UBA6: variants seen among roughly 807,000 people sequenced by gnomAD.
UBA6 encodes ubiquitin like modifier activating enzyme 6, also known as ubiquitin-like modifier-activating enzyme 6.
A neutral mutation model predicts 148.3 loss-of-function variants in UBA6; 87 were observed. The ratio of observed to expected loss-of-function variants is 0.59; its 90% CI spans 0.49 to 0.70. UBA6 has a LOEUF of 0.70. Among genes scored for constraint, UBA6 ranks in the 30% least tolerant of loss-of-function variants. The pLI, the probability that UBA6 is intolerant of heterozygous loss-of-function variation, is 0.00. For synonymous variants in UBA6, 376 were observed against 401.0 expected (o/e 0.94, Z 0.75); for missense variants, 1,186 against 1,241.2 (o/e 0.96, Z 0.67).
chr4:67,654,862 G>GAAA (rs141234627), intron 13 of UBA6, among the ~76,000 whole-genome samples: 108 of 132,160 alleles, frequency 8.2e-4, no homozygotes, highest in African/African-American at 3.0e-3. Context: ...CAAATGGAAA[G>GAAA]AAAAAAAAAA....
intron 13 of UBA6, among the ~76,000 whole-genome samples, chr4:67,661,345 C>T (rs1190641644): frequency 1.3e-5 from 2 of 152,120 alleles, no homozygotes; most frequent in Non-Finnish European, 2.9e-5. Context: ...AAGGGCAGGA[C>T]CACGTGGAGG....
In UBA6 at chr4:67,618,814, G is replaced by A; in HGVS notation, c.*183C>T. ...GCCACGTGTGAACCGTTAGACAAGT[G>A]TATGCTATGCCCCAAAATGTTTTAT... On this transcript the variant is annotated 3_prime_UTR_variant, in exon 33 of 33. Transcript: ENST00000322244. The A allele has an allele frequency of 1.8e-6, 1 of 568,894 alleles. No homozygotes were observed. The highest frequency in any genetic ancestry group is 2.8e-5 in the South Asian group (1 of 35,742). 35.2% of individuals were successfully genotyped at this position (568,894 alleles called of 1,614,324 possible). A position where few individuals can be genotyped will look rare whatever the true frequency, so the allele number is the denominator to read the frequency against.
At chr4:67,650,426 T>A (rs1329781051) in intron 13 of UBA6, among the ~76,000 whole-genome samples, 4 of 152,132 alleles carry the variant, frequency 2.6e-5, no homozygotes, top group Non-Finnish European at 4.4e-5. Context: ...GGATTCCTTA[T>A]TTTTTAGTAC....
intron 2 of UBA6, among the ~76,000 whole-genome samples, chr4:67,695,542 T>A (rs1055396828): frequency 9.4e-5 from 14 of 149,670 alleles, no homozygotes; most frequent in South Asian, 4.2e-4. Flanking sequence ...CCATTAACTG[T>A]TTGTCTGCCA....
At chr4:67,637,935 T>TATAA (rs71219062) in intron 19 of UBA6, among the ~76,000 whole-genome samples, 99,096 of 143,662 alleles carry the variant, frequency 0.69, 35,896 homozygotes, top group South Asian at 0.87. Context: ...GAATGATCAA[T>TATAA]ATAAATAAAT....
At chr4:67,651,301 C>A (rs1729548481) in intron 13 of UBA6, among the ~76,000 whole-genome samples, 1 of 152,072 alleles carries the variant, frequency 6.6e-6, no homozygotes, top group Non-Finnish European at 1.5e-5. Flanking sequence ...ATCCATTCTA[C>A]CCTTCCAGAA....
In UBA6 at chr4:67,670,532, A is replaced by G; in HGVS notation, c.607T>C (p.Phe203Leu). The change falls in exon 8 of 33, where the codon TTT becomes CTT. Residue 203 changes from phenylalanine to leucine, a missense_variant. Physicochemically the swap from Phe to Leu is conservative, Grantham distance 22. Transcript: ENST00000322244. ...TCTCCTGTTGTATCTAAAACTTCAA[A>G]TTCATCACCGAAATCACAAAATAAC... is the stretch of plus-strand genomic sequence containing the variant. ...SRLFCDFGDE[F>L]EVLDTTGEEP... 1.2e-6 allele frequency: 2 copies of G among 1,607,518 alleles called. No individual in the cohort carries two copies. Among genetic ancestry groups the G allele is most frequent in the Non-Finnish European group, 1.7e-6 (2 of 1,174,160 alleles).
At position 67,625,095 on chromosome 4, in the gene UBA6, T is replaced by C; in HGVS notation, c.2611A>G (p.Lys871Glu). 6.2e-7 allele frequency: 1 copy of C among 1,613,562 alleles called. No homozygotes were observed. The highest frequency in any genetic ancestry group is 2.2e-5 in the East Asian group (1 of 44,874). The change falls in exon 29 of 33, where the codon AAA (lysine) becomes GAA (glutamate). Residue 871 changes from lysine to glutamate, a missense_variant. By Grantham distance (56) the Lys-to-Glu change is moderately conservative. Transcript: ENST00000322244. ...FITAASNLRA[K>E]MYSIEPADRF... is the part of the protein sequence containing the mutation. ...TCAGCTGGTTCAATGCTGTACATTTTGGCACGAAGATTTGATGCAGCTGTG... is the reference window on the plus strand; with the variant it reads ...TCAGCTGGTTCAATGCTGTACATTTCGGCACGAAGATTTGATGCAGCTGTG...
intron 9 of UBA6, 59 bp downstream of exon 9, chr4:67,668,492 G>A (rs1730062103): frequency 2.0e-6 from 3 of 1,504,830 alleles, no homozygotes; most frequent in East Asian, 4.5e-5. Context: ...AACACTTAGT[G>A]TCTGAACTAT....
intron 2 of UBA6, among the ~76,000 whole-genome samples, chr4:67,694,215 CAAAAAAAAAAAAAAAAAAA>C (rs769649769): frequency 0.039 from 1,654 of 42,196 alleles, 88 homozygotes; most frequent in African/African-American, 0.14. Flanking sequence ...GACTCCATCT[CAAAAAAAAAAAAAAAAAAA>C]AAAAAAAAAA....
intron 2 of UBA6, among the ~76,000 whole-genome samples, chr4:67,689,312 T>C (rs1730641431): frequency 6.6e-6 from 1 of 152,128 alleles, no homozygotes; most frequent in African/African-American, 2.4e-5. Context: ...CATAACTCCA[T>C]TTTAAATCAA....
At position 67,622,902 on chromosome 4, in the gene UBA6, T is replaced by C. The variant is rs745916979; in HGVS notation, c.2952A>G (p.Thr984=). ...GCATTTTGACTCCCTGTACCACCATTGTTGGCTCAATTCCATACTTCTCCT... is the reference window on the plus strand; with the variant it reads ...GCATTTTGACTCCCTGTACCACCATCGTTGGCTCAATTCCATACTTCTCCT... The part of the protein sequence containing the change: ...AVKEKYGIEP[T]MVVQGVKMLY... Residue 984 remains threonine, a synonymous_variant, in exon 32 of 33, where the codon ACA becomes ACG. Coordinates refer to ENST00000322244, the MANE Select transcript of UBA6 (RefSeq NM_018227.6). The C allele has an allele frequency of 6.2e-7, 1 of 1,612,298 alleles. No homozygotes were observed. The highest frequency in any genetic ancestry group is 8.5e-7 in the Non-Finnish European group (1 of 1,179,320).
At position 67,696,439 on chromosome 4, in the gene UBA6, A is replaced by G. The variant is rs186616798; in HGVS notation, c.134+206T>C. 1.1e-4 allele frequency among the ~76,000 whole-genome samples: 14 copies of G among 129,906 alleles called. 1 individual carries two copies. In the East Asian group the frequency reaches 2.8e-3, roughly 26 times the overall value. The allele number at this position is 129,906 out of a possible 152,430, so 85.2% of individuals were successfully genotyped here. A position where few individuals can be genotyped will look rare whatever the true frequency, so the allele number is the denominator to read the frequency against. The stretch of plus-strand genomic sequence containing the variant: ...TATACATATATACACACATATATAT[A>G]CACATATACACATATATATACATAT... On this transcript the variant is annotated intron_variant, in intron 2 of 32. Transcript: ENST00000322244.
chr4:67,631,288 G>A (rs1159831313), intron 25 of UBA6, among the ~76,000 whole-genome samples: 1 of 152,092 alleles, frequency 6.6e-6, no homozygotes, highest in African/African-American at 2.4e-5. Flanking sequence ...AGTGTTTCCA[G>A]GTATTCACAC....
intron 22 of UBA6, among the ~76,000 whole-genome samples, chr4:67,633,917 C>A (rs994825676): frequency 1.3e-5 from 2 of 151,918 alleles, no homozygotes; most frequent in Non-Finnish European, 2.9e-5. Flanking sequence ...CTAGAACTTA[C>A]CTCAATTTTT....
At chr4:67,633,664 T>G (rs1482353579) in intron 22 of UBA6, among the ~76,000 whole-genome samples, 191 bp from the exon 23 acceptor site, 1 of 152,120 alleles carries the variant, frequency 6.6e-6, no homozygotes, top group African/African-American at 2.4e-5. Context: ...AGGGGAATGG[T>G]AAGAGATAGC....
chr4:67,665,925 TA>T (rs1729986083), intron 9 of UBA6, among the ~76,000 whole-genome samples: 1 of 152,008 alleles, frequency 6.6e-6, no homozygotes, highest in South Asian at 2.1e-4. Context: ...ATAACAACCA[TA>T]AAAGAAAATA....
intron 26 of UBA6, 104 bp downstream of exon 26, chr4:67,630,362 G>A (rs354866): frequency 0.92 from 731,627 of 796,812 alleles, 336,775 homozygotes; most frequent in East Asian, 0.99. Context: ...ATCAAAAAGA[G>A]TGATTCTTAT....
intron 18 of UBA6, 49 bp downstream of exon 18, chr4:67,641,102 C>G (rs1170388055): frequency 1.7e-6 from 2 of 1,183,734 alleles, no homozygotes; most frequent in Admixed American, 5.0e-5. Context: ...AAAGGAAACT[C>G]TTTTTTGTAT....
Sources: allele counts gnomAD v4.1 joint callset (sites outside exome capture counted in the v4.1 genomes callset), GRCh38; gene constraint gnomAD v4.1.1; transcripts MANE v1.5; gene names NCBI Gene and HGNC (gene_info 2026-07-23, HGNC 2026-07-21).